KCNIP4: variants seen among roughly 807,000 people sequenced by gnomAD.
KCNIP4 encodes the protein potassium voltage-gated channel interacting protein 4.
Under a neutral mutation model 34.0 loss-of-function variants are expected in KCNIP4, and 12 were observed. That is an observed-to-expected ratio of 0.35 (90% CI 0.23 to 0.57). KCNIP4 has a LOEUF of 0.57. Among genes scored for constraint, KCNIP4 ranks in the 20% least tolerant of loss-of-function variants. The probability of loss-of-function intolerance (pLI) is 0.83; values close to 1 mark genes in which losing one functional copy is unlikely to be tolerated. For missense variants in KCNIP4, 238 were observed against 311.7 expected, an observed-to-expected ratio of 0.76 and a Z score of 1.78; for synonymous variants, 124 against 102.2, an observed-to-expected ratio of 1.21 and a Z score of -1.29.
intron 1 of KCNIP4, among the ~76,000 whole-genome samples, chr4:21,102,309 T>C (rs1275269482): frequency 6.6e-6 from 1 of 152,126 alleles, no homozygotes; most frequent in African/African-American, 2.4e-5. Context: ...AATAGAAGAA[T>C]GAAAGAACAA....
rs1418523001 is a variant in KCNIP4 at position 21,331,111 on chromosome 4, T to G, written c.62-448402A>C. On this transcript the variant is annotated intron_variant, in intron 1 of 8. Transcript: ENST00000382152. ...TCTTCTTCCTTAGTTAATTGAGTCTTTCGTTTTGACTTTCTATTCTCAACT... is the reference window on the plus strand; with the variant it reads ...TCTTCTTCCTTAGTTAATTGAGTCTGTCGTTTTGACTTTCTATTCTCAACT... 2.0e-5 allele frequency among the ~76,000 whole-genome samples: 3 copies of G among 152,194 alleles called. 1 individual carries two copies. The highest frequency in any genetic ancestry group is 2.9e-5 in the Non-Finnish European group (2 of 68,036).
rs191501539 is a variant in KCNIP4, at chr4:21,498,158, A to G, written c.61+450413T>C. Among the ~76,000 whole-genome samples, 43 of 152,344 alleles carry G rather than the reference A, an allele frequency of 2.8e-4. No individual in the cohort carries two copies. In the East Asian group the frequency reaches 3.9e-3, roughly 14 times the overall value. On this transcript the variant is annotated intron_variant, in intron 1 of 8. Coordinates refer to ENST00000382152, the MANE Select transcript of KCNIP4 (RefSeq NM_025221.6). Reference sequence around the variant, plus strand: ...AAATTCACCCGAATATTGTTTATCTATGGAAACAAGATTCTCAAATCTGCA... The same window carrying G: ...AAATTCACCCGAATATTGTTTATCTGTGGAAACAAGATTCTCAAATCTGCA...
chr4:21,237,028 C>T (rs975802369), intron 1 of KCNIP4, among the ~76,000 whole-genome samples: 2 of 150,370 alleles, frequency 1.3e-5, no homozygotes, highest in Admixed American at 6.6e-5. Flanking sequence ...AAAAGATATA[C>T]ATTCAACGGG....
intron 1 of KCNIP4, among the ~76,000 whole-genome samples, chr4:20,886,933 G>A (rs1725377053): frequency 6.6e-6 from 1 of 152,066 alleles, no homozygotes; most frequent in Non-Finnish European, 1.5e-5. Context: ...CAGAACAAAT[G>A]TGACCCATAA....
At chr4:21,795,790 G>A (rs1040040606) in intron 1 of KCNIP4, among the ~76,000 whole-genome samples, 10 of 152,048 alleles carry the variant, frequency 6.6e-5, no homozygotes, top group Non-Finnish European at 8.8e-5. Flanking sequence ...TAAATTTCCC[G>A]GGTGTGGTGG....
chr4:20,764,530 G>C (rs186670123), intron 3 of KCNIP4, among the ~76,000 whole-genome samples: 2 of 151,906 alleles, frequency 1.3e-5, no homozygotes, highest in South Asian at 2.1e-4. Flanking sequence ...AAGGAGAATC[G>C]TAAGACCAAC....
At chr4:21,596,827 C>T (rs17551181) in intron 1 of KCNIP4, among the ~76,000 whole-genome samples, 23,292 of 151,766 alleles carry the variant, frequency 0.15, 2,075 homozygotes, top group South Asian at 0.21. Flanking sequence ...GAGCTAAAAG[C>T]GAGGAAAGGA....
intron 1 of KCNIP4, among the ~76,000 whole-genome samples, chr4:21,460,661 A>G (rs1178594099): frequency 6.6e-6 from 1 of 152,096 alleles, no homozygotes; most frequent in African/African-American, 2.4e-5. Context: ...TCCCAACTTC[A>G]TGACCTCATT....
chr4:21,419,577 C>G (rs1725274676), intron 1 of KCNIP4, among the ~76,000 whole-genome samples: 1 of 151,944 alleles, frequency 6.6e-6, no homozygotes, highest in Non-Finnish European at 1.5e-5. Flanking sequence ...TATGTAGGTA[C>G]AGTACTTAGT....
intron 1 of KCNIP4, among the ~76,000 whole-genome samples, chr4:20,902,027 G>T (rs1727207030): frequency 6.6e-6 from 1 of 152,142 alleles, no homozygotes. Context: ...ACAAGGTCAT[G>T]ATGAGCTTCC....
intron 1 of KCNIP4, among the ~76,000 whole-genome samples, chr4:21,005,688 C>A (rs964922917): frequency 3.3e-5 from 5 of 152,020 alleles, no homozygotes; most frequent in African/African-American, 1.2e-4. Flanking sequence ...TTTGGCACAA[C>A]TTTATTTGAA....
chr4:21,783,249 T>C (rs1719685488), intron 1 of KCNIP4, among the ~76,000 whole-genome samples: 1 of 152,214 alleles, frequency 6.6e-6, no homozygotes, highest in Admixed American at 6.5e-5. Context: ...TTCTCAGTGC[T>C]ATCTTTGAAA....
chr4:20,818,405 A>G (rs1191265559), intron 3 of KCNIP4, among the ~76,000 whole-genome samples: 4 of 152,142 alleles, frequency 2.6e-5, no homozygotes, highest in Non-Finnish European at 4.4e-5. Context: ...TGAAACTCCC[A>G]CTCCAACTTA....
At chr4:21,291,864 AAAAAAAGAAAGAAAG>A (rs1763499758) in intron 1 of KCNIP4, among the ~76,000 whole-genome samples, 1 of 68,120 alleles carries the variant, frequency 1.5e-5, no homozygotes, top group African/African-American at 5.6e-5. Context: ...AAAAAAAAAA[AAAAAAAGAAAGAAAG>A]AAAGAAAGAA....
intron 1 of KCNIP4, among the ~76,000 whole-genome samples, chr4:21,002,986 G>A (rs985644344): frequency 6.6e-6 from 1 of 152,100 alleles, no homozygotes; most frequent in Non-Finnish European, 1.5e-5. Context: ...TGAAAGATTT[G>A]AGTATCATTT....
intron 1 of KCNIP4, among the ~76,000 whole-genome samples, chr4:21,178,815 CTT>C (rs10611485): frequency 0.019 from 2,563 of 136,726 alleles, 35 homozygotes; most frequent in Non-Finnish European, 0.026. Flanking sequence ...TAACACCAAA[CTT>C]TTTTTTTTTT....
intron 1 of KCNIP4, among the ~76,000 whole-genome samples, chr4:21,289,077 G>A (rs1391956597): frequency 6.6e-6 from 1 of 152,154 alleles, no homozygotes; most frequent in African/African-American, 2.4e-5. Context: ...GGGGGAAATT[G>A]TCTTTGGACT....
intron 1 of KCNIP4, among the ~76,000 whole-genome samples, chr4:21,361,238 C>T (rs1719186232): frequency 6.6e-6 from 1 of 151,988 alleles, no homozygotes. Context: ...AGCTGATTGA[C>T]TCATTTTTTG....
chr4:20,975,471 C>G (rs1432256913), intron 1 of KCNIP4, among the ~76,000 whole-genome samples: 1 of 152,048 alleles, frequency 6.6e-6, no homozygotes, highest in African/African-American at 2.4e-5. Flanking sequence ...TATGACAATA[C>G]CAGGCAGATG....
Sources: allele counts gnomAD v4.1 joint callset (sites outside exome capture counted in the v4.1 genomes callset), GRCh38; gene constraint gnomAD v4.1.1; transcripts MANE v1.5; gene names NCBI Gene and HGNC (gene_info 2026-07-23, HGNC 2026-07-21).